EWSR1: variants seen among roughly 807,000 people sequenced by gnomAD.
The protein encoded by EWSR1 is RNA-binding protein EWS.
Under a neutral mutation model 92.1 loss-of-function variants are expected in EWSR1, and 14 were observed. The ratio of observed to expected loss-of-function variants is 0.15; its 90% CI spans 0.10 to 0.24. The LOEUF (loss-of-function observed/expected upper bound fraction) is 0.24. Among genes scored for constraint, EWSR1 ranks in the 10% least tolerant of loss-of-function variants. The pLI is 1.00. For synonymous variants in EWSR1, 303 were observed against 292.9 expected (o/e 1.03, Z -0.35); for missense variants, 637 against 870.9 (o/e 0.73, Z 3.38).
At chr22:29,288,545 A>G in intron 7 of EWSR1, 61 bp from the exon 8 acceptor site, 1 of 1,473,718 alleles carries the variant, frequency 6.8e-7, no homozygotes, top group Non-Finnish European at 9.1e-7. Context: ...TCCAGGAGAA[A>G]GTACATCAGG....
At chr22:29,268,401 T>C (rs1441478927) in intron 1 of EWSR1, 52 bp downstream of exon 1, 1 of 1,613,590 alleles carries the variant, frequency 6.2e-7, no homozygotes, top group African/African-American at 1.3e-5. Flanking sequence ...ACGCCCAAAC[T>C]GGGGGTCGTT....
intron 13 of EWSR1, among the ~76,000 whole-genome samples, chr22:29,298,523 A>T (rs1011783980): frequency 7.2e-5 from 11 of 151,940 alleles, no homozygotes; most frequent in African/African-American, 9.7e-5. Context: ...AAAAAAAAAA[A>T]AATTGTGGGA....
intron 5 of EWSR1, 124 bp downstream of exon 5, chr22:29,278,340 T>C: frequency 1.1e-6 from 1 of 889,202 alleles, no homozygotes; most frequent in African/African-American, 1.7e-5. Context: ...CTCTCAGATG[T>C]TCACTGTTAG....
intron 4 of EWSR1, chr22:29,274,354 T>C: frequency 3.2e-6 from 5 of 1,562,014 alleles, no homozygotes; most frequent in Non-Finnish European, 4.4e-6. Context: ...GTTAATCCTT[T>C]AGGTGTTTTC....
At chr22:29,294,604 CA>C (rs1029749874) in intron 11 of EWSR1, among the ~76,000 whole-genome samples, 6,256 of 65,146 alleles carry the variant, frequency 0.096, 261 homozygotes, top group African/African-American at 0.22. Flanking sequence ...GACTCCGCCT[CA>C]AAAAAAAAAA....
rs970730494 is a variant in EWSR1 at position 29,268,290 on chromosome 22, A to C, written c.-47A>C. 2 of 1,608,320 alleles carry C rather than the reference A, an allele frequency of 1.2e-6. No individual in the cohort carries two copies. The highest frequency in any genetic ancestry group is 2.7e-5 in the African/African-American group (2 of 74,830). On this transcript the variant is annotated 5_prime_UTR_variant, in exon 1 of 17. Transcript: ENST00000397938. ...TGCGCAGTGCGGCGCCTAGAGGGAA[A>C]GCGAGAGGGAGACGGACGTTGAGAG...
chr22:29,269,049 C>G (rs955344053), intron 1 of EWSR1, among the ~76,000 whole-genome samples: 1 of 152,048 alleles, frequency 6.6e-6, no homozygotes, highest in Non-Finnish European at 1.5e-5. Context: ...GTTATTAATC[C>G]ACGTCCTCCC....
chr22:29,268,506 C>T (rs551698500), intron 1 of EWSR1, among the ~76,000 whole-genome samples, 157 bp downstream of exon 1: 1 of 152,328 alleles, frequency 6.6e-6, no homozygotes, highest in East Asian at 1.9e-4. Context: ...CCGCATTCCT[C>T]TCCCCTCCCC....
At chr22:29,285,007 C>T (rs925500031) in intron 6 of EWSR1, among the ~76,000 whole-genome samples, 3 of 150,930 alleles carry the variant, frequency 2.0e-5, no homozygotes, top group Non-Finnish European at 4.4e-5. Flanking sequence ...TTAGTAGAGA[C>T]GGTGTTTTTC....
chr22:29,283,156 A>G (rs2059747538), intron 6 of EWSR1, among the ~76,000 whole-genome samples: 1 of 152,174 alleles, frequency 6.6e-6, no homozygotes, highest in African/African-American at 2.4e-5. Context: ...GTTAACTCAG[A>G]TGGGAAGCAG....
chr22:29,270,091 C>G (rs2058546433), intron 1 of EWSR1, among the ~76,000 whole-genome samples: 1 of 152,184 alleles, frequency 6.6e-6, no homozygotes, highest in African/African-American at 2.4e-5. Context: ...CCAGCATAAG[C>G]ATTCCACAAA....
At chr22:29,275,428 T>G (rs1307550271) in intron 4 of EWSR1, among the ~76,000 whole-genome samples, 1 of 152,204 alleles carries the variant, frequency 6.6e-6, no homozygotes, top group Non-Finnish European at 1.5e-5. Flanking sequence ...CATTCTAGTT[T>G]AGAGACTAGT....
At chr22:29,269,836 A>T (rs1399672467) in intron 1 of EWSR1, among the ~76,000 whole-genome samples, 1 of 152,176 alleles carries the variant, frequency 6.6e-6, no homozygotes, top group Non-Finnish European at 1.5e-5. Context: ...GTGCGTTGAC[A>T]TTTTTGCGTG....
intron 4 of EWSR1, chr22:29,277,374 T>G (rs921439915): frequency 4.5e-6 from 1 of 223,938 alleles, no homozygotes; most frequent in East Asian, 6.6e-5. Flanking sequence ...ATATCGAAGT[T>G]TAATTTTAAA....
intron 11 of EWSR1, among the ~76,000 whole-genome samples, chr22:29,294,265 G>A (rs1244529858): frequency 6.6e-6 from 1 of 152,150 alleles, no homozygotes; most frequent in African/African-American, 2.4e-5. Context: ...CTGTGGTTAA[G>A]GGTCTTCGTT....
intron 1 of EWSR1, among the ~76,000 whole-genome samples, chr22:29,270,455 C>T (rs926450967): frequency 1.3e-5 from 2 of 152,138 alleles, no homozygotes; most frequent in Non-Finnish European, 2.9e-5. Flanking sequence ...ATTACGTTTG[C>T]ATCAACCTAA....
intron 5 of EWSR1, among the ~76,000 whole-genome samples, chr22:29,280,049 C>T (rs1217766433): frequency 1.3e-5 from 2 of 152,088 alleles, no homozygotes; most frequent in South Asian, 2.1e-4. Context: ...AAAGTTAGTA[C>T]TTCACACCCT....
In EWSR1 at chr22:29,300,029, GA is replaced by G; in HGVS notation, c.1932-92del. 3 of 926,810 alleles carry G rather than the reference GA, an allele frequency of 3.2e-6. 1 individual carries two copies. Among genetic ancestry groups the G allele is most frequent in the South Asian group, 1.6e-5 (1 of 63,980 alleles). 57.4% of individuals were successfully genotyped at this position (926,810 alleles called of 1,614,324 possible). On this transcript the variant is annotated intron_variant, in intron 16 of 16. Coordinates refer to ENST00000397938, the MANE Select transcript of EWSR1 (RefSeq NM_005243.4). ...TTCCTCACCCCTTCCCATTCTAACC[GA>G]TTGGGAGGAGCCAGGAAGGGGCACC...
intron 4 of EWSR1, chr22:29,275,935 G>GGT: frequency 1.4e-5 from 3 of 214,348 alleles, no homozygotes; most frequent in Non-Finnish European, 2.8e-5. Context: ...TTGTTTTTTT[G>GGT]TTTTTTTTTT....
Sources: gnomAD v4.1 joint callset for allele counts (sites outside exome capture counted in the v4.1 genomes callset) on GRCh38, gnomAD v4.1.1 for gene constraint, MANE v1.5 for transcripts, NCBI Gene and HGNC (gene_info 2026-07-23, HGNC 2026-07-21) for gene names.